Variants in NAV3 observed in about 807,000 individuals in gnomAD.
NAV3 encodes neuron navigator 3.
Under a neutral mutation model 244.7 loss-of-function variants are expected in NAV3, and 87 were observed. The ratio of observed to expected loss-of-function variants is 0.36; its 90% CI spans 0.30 to 0.42. The LOEUF (loss-of-function observed/expected upper bound fraction) is 0.42, where lower values mean the gene tolerates loss of function less well. Among genes scored for constraint, NAV3 ranks in the 20% least tolerant of loss-of-function variants. The pLI, the probability that NAV3 is intolerant of heterozygous loss-of-function variation, is 1.00. For synonymous variants in NAV3, 1,126 were observed against 1,042.2 expected (o/e 1.08, Z -1.55); for missense variants, 2,663 against 2,893.3 (o/e 0.92, Z 1.83).
chr12:77,791,212 G>C (rs1235155876), intron 2 of NAV3, among the ~76,000 whole-genome samples: 1 of 152,022 alleles, frequency 6.6e-6, no homozygotes, highest in Non-Finnish European at 1.5e-5. Context: ...AAATTAGCCA[G>C]GCATGGTGAT....
intron 2 of NAV3, among the ~76,000 whole-genome samples, chr12:77,625,033 A>G (rs1871552665): frequency 1.3e-5 from 2 of 152,198 alleles, no homozygotes; most frequent in Non-Finnish European, 2.9e-5. Flanking sequence ...GTAACAAAGC[A>G]CACATCATGC....
chr12:78,173,110 TTGC>T (rs1958072514), intron 24 of NAV3, among the ~76,000 whole-genome samples: 1 of 151,502 alleles, frequency 6.6e-6, no homozygotes, highest in Non-Finnish European at 1.5e-5. Flanking sequence ...TTAATTCAGA[TTGC>T]TGATATTCAT....
chr12:77,734,817 C>CTA (rs2137360648), intron 2 of NAV3, among the ~76,000 whole-genome samples: 1 of 152,188 alleles, frequency 6.6e-6, no homozygotes, highest in East Asian at 1.9e-4. Flanking sequence ...TTAACCTTGA[C>CTA]CAGTTTCTTT....
Position 78,168,836 on chromosome 12 carries a change from G to A in NAV3, c.4951G>A (p.Ala1651Thr). Reference sequence around the variant, plus strand: ...TGCTGCCCAGGCGGCTATTCAGGGAGCACTGAATGGTCCAGACCATCCTCC... The same window carrying A: ...TGCTGCCCAGGCGGCTATTCAGGGAACACTGAATGGTCCAGACCATCCTCC... ...NSAAQAAIQG[A>T]LNGPDHPPKD... The change falls in exon 24 of 40, where the codon GCA (alanine) becomes ACA (threonine). Residue 1651 changes from alanine to threonine, a missense_variant. Around this residue, in one of 6 missense-constraint regions of NAV3, gnomAD observed 193 missense variants for 200.7 expected, o/e 0.96. Transcript: ENST00000397909. 6.2e-7 allele frequency: 1 copy of A among 1,609,938 alleles called. No individual in the cohort carries two copies. The highest frequency in any genetic ancestry group is 8.5e-7 in the Non-Finnish European group (1 of 1,177,206).
chr12:77,764,396 G>T (rs1869638863), intron 2 of NAV3, among the ~76,000 whole-genome samples: 1 of 152,160 alleles, frequency 6.6e-6, no homozygotes, highest in Non-Finnish European at 1.5e-5. Flanking sequence ...CAGAACCCTG[G>T]CCATCTTGTA....
chr12:77,691,193 T>A (rs1244761107), intron 2 of NAV3, among the ~76,000 whole-genome samples: 1 of 150,654 alleles, frequency 6.6e-6, no homozygotes, highest in African/African-American at 2.4e-5. Context: ...TAAATATAAT[T>A]GAAACATTTT....
chr12:77,614,823 T>A (rs1871086342), intron 2 of NAV3, among the ~76,000 whole-genome samples: 1 of 152,208 alleles, frequency 6.6e-6, no homozygotes, highest in Non-Finnish European at 1.5e-5. Flanking sequence ...GTAAGTACTT[T>A]AAGAAAGTTC....
chr12:77,921,158 G>GA (rs1171139166), intron 1 of NAV3, among the ~76,000 whole-genome samples: 1 of 151,870 alleles, frequency 6.6e-6, no homozygotes, highest in Admixed American at 6.6e-5. Context: ...CTATTTTGAG[G>GA]AAAAAATGAG....
chr12:78,090,667 T>A (rs909000484), intron 12 of NAV3, among the ~76,000 whole-genome samples: 4 of 152,134 alleles, frequency 2.6e-5, no homozygotes, highest in East Asian at 1.9e-4. Flanking sequence ...CCATATATAT[T>A]TTTTAAAAAT....
chr12:77,841,647 T>A (rs1314736191), intron 1 of NAV3, among the ~76,000 whole-genome samples: 2 of 152,218 alleles, frequency 1.3e-5, no homozygotes, highest in Non-Finnish European at 2.9e-5. Flanking sequence ...ATGCATTTCC[T>A]GTGGCTGCTT....
chr12:77,737,407 A>G (rs1033843992), intron 2 of NAV3, among the ~76,000 whole-genome samples: 1 of 151,764 alleles, frequency 6.6e-6, no homozygotes, highest in African/African-American at 2.4e-5. Context: ...CAACATTGCA[A>G]GGGTAGGGTA....
intron 2 of NAV3, among the ~76,000 whole-genome samples, chr12:77,600,270 A>G (rs1480896429): frequency 6.6e-6 from 1 of 151,942 alleles, no homozygotes; most frequent in Non-Finnish European, 1.5e-5. Context: ...ATCTTATTTT[A>G]GCTCCTTTCT....
intron 2 of NAV3, among the ~76,000 whole-genome samples, chr12:77,609,548 A>G (rs745505954): frequency 5.3e-4 from 80 of 152,078 alleles, no homozygotes; most frequent in Non-Finnish European, 6.3e-4. Context: ...ATAATGACCC[A>G]GAAGGATTAT....
intron 5 of NAV3, among the ~76,000 whole-genome samples, chr12:77,970,202 A>T (rs1892880934): frequency 6.6e-6 from 1 of 152,158 alleles, no homozygotes; most frequent in Admixed American, 6.5e-5. Flanking sequence ...GAAAATATAA[A>T]CACTTGTCAA....
intron 5 of NAV3, among the ~76,000 whole-genome samples, chr12:77,993,791 A>G (rs1161680461): frequency 6.6e-6 from 1 of 152,038 alleles, no homozygotes; most frequent in Non-Finnish European, 1.5e-5. Flanking sequence ...CAACACCCCC[A>G]TGTTGTTCTT....
chr12:78,135,668 C>G (rs1430687001), intron 18 of NAV3, among the ~76,000 whole-genome samples: 1 of 152,148 alleles, frequency 6.6e-6, no homozygotes, highest in African/African-American at 2.4e-5. Flanking sequence ...CCCAATCTTG[C>G]CACCTTAAAC....
intron 2 of NAV3, among the ~76,000 whole-genome samples, chr12:77,625,144 ATTAC>A (rs1871559634): frequency 1.3e-5 from 2 of 152,202 alleles, no homozygotes; most frequent in Non-Finnish European, 1.5e-5. Context: ...AATAAAAGTA[ATTAC>A]TTAAGTCTTC....
intron 2 of NAV3, among the ~76,000 whole-genome samples, chr12:77,797,419 T>C (rs1435640124): frequency 2.0e-5 from 3 of 151,930 alleles, no homozygotes; most frequent in Non-Finnish European, 4.4e-5. Flanking sequence ...TTAATAAAAG[T>C]TTGTTATTAT....
chr12:77,661,833 T>TA (rs1338274055), intron 2 of NAV3, among the ~76,000 whole-genome samples: 3 of 152,200 alleles, frequency 2.0e-5, no homozygotes, highest in African/African-American at 7.2e-5. Context: ...TGCACCTTTA[T>TA]AAAAAACAGT....
Sources: allele counts gnomAD v4.1 joint callset (sites outside exome capture counted in the v4.1 genomes callset), GRCh38; gene constraint gnomAD v4.1.1; regional missense constraint gnomAD v4.1.1; transcripts MANE v1.5; gene names NCBI Gene and HGNC (gene_info 2026-07-23, HGNC 2026-07-21).